RNF123: variants seen among roughly 807,000 people sequenced by gnomAD.
RNF123 encodes the protein E3 ubiquitin-protein ligase RNF123.
RNF123 carries 86 observed loss-of-function variants against 168.5 expected under a neutral mutation model. That is an observed-to-expected ratio of 0.51 (90% CI 0.43 to 0.61). The LOEUF is 0.61. RNF123 is among the 20% of genes least tolerant of loss of function. The pLI is 0.00. For missense variants in RNF123, 1,419 were observed against 1,729.7 expected (o/e 0.82, Z 3.19); for synonymous variants, 666 against 689.1 (o/e 0.97, Z 0.52).
At chr3:49,690,433 C>G (rs2054123352) in intron 1 of RNF123, among the ~76,000 whole-genome samples, 3 of 152,234 alleles carry the variant, frequency 2.0e-5, no homozygotes, top group African/African-American at 7.2e-5. Context: ...GAGGCCAGCA[C>G]CAGGGACTCA....
intron 35 of RNF123, 171 bp from the exon 36 acceptor site, chr3:49,720,340 G>C (rs886692256): frequency 1.9e-6 from 1 of 517,356 alleles, no homozygotes; most frequent in South Asian, 5.5e-5. Context: ...AAAACAGGCT[G>C]TGTGGCACCT....
chr3:49,718,448 C>G, intron 35 of RNF123: 1 of 1,612,968 alleles, frequency 6.2e-7, no homozygotes, highest in South Asian at 1.1e-5. Context: ...TGTACGTTGC[C>G]TATGGCCAAG....
rs1232368010 is a variant in RNF123, at chr3:49,689,606, GGTGA to G, written c.-37+6_-37+9del. ...CCGGGTCGCTGCGGCCGAGGCTCCGGGTGAGTGAGGGGCGGCAGGGCTCTGAGCC... is the reference window on the plus strand; with the variant it reads ...CCGGGTCGCTGCGGCCGAGGCTCCGGGTGAGGGGCGGCAGGGCTCTGAGCC... On this transcript the variant is annotated splice_donor_variant and splice_donor_region_variant and intron_variant, in intron 1 of 38. Coordinates refer to ENST00000327697, the MANE Select transcript of RNF123 (RefSeq NM_022064.5). LOFTEE classifies it low-confidence loss of function (5UTR_SPLICE). The G allele has an allele frequency of 1.3e-5, 2 of 152,510 alleles. No individual in the cohort carries two copies. Among genetic ancestry groups the G allele is most frequent in the African/African-American group, 4.8e-5 (2 of 41,466 alleles). The allele number at this position is 152,510 out of a possible 1,614,324, so 9.4% of individuals were successfully genotyped here.
rs544556680 is a variant in RNF123 at position 49,696,095 on chromosome 3, G to A, written c.168-1048G>A. 1.1e-4 allele frequency among the ~76,000 whole-genome samples: 17 copies of A among 152,308 alleles called. No individual in the cohort carries two copies. The South Asian group carries it at 3.5e-3, about 32-fold the overall frequency. On this transcript the variant is annotated intron_variant, in intron 3 of 38. Transcript: ENST00000327697. ...CCCCTGGCTGGGTGGTGGCGAGACTGGAATCTGCCCCAAAGGAACCACAGG... is the reference window on the plus strand; with the variant it reads ...CCCCTGGCTGGGTGGTGGCGAGACTAGAATCTGCCCCAAAGGAACCACAGG...
At chr3:49,697,664 C>T (rs991985984) in intron 5 of RNF123, among the ~76,000 whole-genome samples, 1 of 152,216 alleles carries the variant, frequency 6.6e-6, no homozygotes, top group Non-Finnish European at 1.5e-5. Context: ...CAGCCCCCAG[C>T]CCTTCCCAGC....
chr3:49,701,880 G>T lies in RNF123; in HGVS notation c.1465G>T (p.Gly489Cys), dbSNP rs768584650. 6.4e-7 allele frequency: 1 copy of T among 1,564,248 alleles called. No homozygotes were observed. The highest frequency in any genetic ancestry group is 1.7e-4 in the Middle Eastern group (1 of 5,982). Residue 489 changes from glycine to cysteine, a missense_variant, in exon 17 of 39, where the codon GGC (glycine) becomes TGC (cysteine). By Grantham distance (159) the Gly-to-Cys change is radical (BLOSUM62 -3). Around this residue, in one of 5 missense-constraint regions of RNF123, gnomAD observed 349 missense variants for 344.9 expected, o/e 1.01. Coordinates refer to ENST00000327697, the MANE Select transcript of RNF123 (RefSeq NM_022064.5). Reference protein sequence around the residue: ...ERLRRRAYERGCQRLRKRIEV... With the variant: ...ERLRRRAYERCCQRLRKRIEV... ...GCTGCGGCGGCGAGCCTACGAACGG[G>T]GCTGTCAGCGGCTCAGGAAGCGCAT... is the stretch of plus-strand genomic sequence containing the variant.
chr3:49,696,544 G>A (rs758343471), intron 3 of RNF123, among the ~76,000 whole-genome samples: 1 of 151,864 alleles, frequency 6.6e-6, no homozygotes, highest in African/African-American at 2.4e-5. Flanking sequence ...TCACCATGTT[G>A]GCCAGGCTGG....
At chr3:49,698,345 C>G in intron 7 of RNF123, 95 bp from the exon 8 acceptor site, 1 of 1,101,546 alleles carries the variant, frequency 9.1e-7, no homozygotes, top group Non-Finnish European at 1.4e-6. Flanking sequence ...CTGTTCCCTT[C>G]TGTAGAGCCA....
At chr3:49,702,473 C>T in intron 19 of RNF123, 68 bp downstream of exon 19, 1 of 1,594,592 alleles carries the variant, frequency 6.3e-7, no homozygotes, top group African/African-American at 1.3e-5. Flanking sequence ...CCCTCAGCAC[C>T]TGGCACTTCT....
rs778818608 is a variant in RNF123, at chr3:49,713,490, C to G, written c.2675-23C>G. On this transcript the variant is annotated intron_variant, in intron 27 of 38. Coordinates refer to ENST00000327697, the MANE Select transcript of RNF123 (RefSeq NM_022064.5). The stretch of plus-strand genomic sequence containing the variant: ...CTGGAGCCCCCACTCCCAGCCGACA[C>G]GTCTCACTTCCCACCCTTGCAGGCT... The G allele has an allele frequency of 2.5e-6, 4 of 1,591,884 alleles. No individual in the cohort carries two copies. The South Asian group carries it at 4.5e-5, about 18-fold the overall frequency.
chr3:49,702,557 C>G, intron 19 of RNF123, 76 bp from the exon 20 acceptor site: 2 of 1,611,464 alleles, frequency 1.2e-6, no homozygotes, highest in Non-Finnish European at 1.7e-6. Flanking sequence ...CCTCGACCCT[C>G]AGGCAGGGCC....
chr3:49,709,589 C>T lies in RNF123; in HGVS notation c.2496+2691C>T, dbSNP rs539434473. On this transcript the variant is annotated intron_variant, in intron 26 of 38. Transcript: ENST00000327697. ...TGCTGGGATTACAGGCGTGAGCCAC[C>T]GCGCCTGGCCTAATTTTGTATTTTT... is the stretch of plus-strand genomic sequence containing the variant. 4.6e-5 allele frequency among the ~76,000 whole-genome samples: 7 copies of T among 152,206 alleles called. No individual in the cohort carries two copies. In the South Asian group the frequency reaches 6.2e-4, roughly 14 times the overall value.
intron 23 of RNF123, 32 bp from the exon 24 acceptor site, chr3:49,705,502 T>A: frequency 6.4e-7 from 1 of 1,556,580 alleles, no homozygotes; most frequent in Non-Finnish European, 8.7e-7. Flanking sequence ...GGGATGGCCC[T>A]ACCCTTGACC....
In RNF123 at chr3:49,703,522, C is replaced by G; in HGVS notation, c.1846C>G (p.Leu616Val). ...CCTCCTCTCGCACCTGCGGAAGACC[C>G]TCAAAGGTGTGTACAGGCCTGTGGG... ...GGLLSHLRKT[L>V]KDDLASKANI... The change falls in exon 21 of 39, where the codon CTC (leucine) becomes GTC (valine). Residue 616 changes from leucine to valine, a missense_variant. By Grantham distance (32) the Leu-to-Val change is conservative. Coordinates refer to ENST00000327697, the MANE Select transcript of RNF123 (RefSeq NM_022064.5). The G allele has an allele frequency of 3.7e-6, 6 of 1,613,512 alleles. No individual in the cohort carries two copies. The highest frequency in any genetic ancestry group is 5.1e-6 in the Non-Finnish European group (6 of 1,179,618).
At chr3:49,719,520 G>T in intron 35 of RNF123, 1 of 1,431,682 alleles carries the variant, frequency 7.0e-7, no homozygotes, top group South Asian at 1.3e-5. Flanking sequence ...GCAGTTCCAG[G>T]ACTCACCCTC....
intron 3 of RNF123, among the ~76,000 whole-genome samples, chr3:49,695,782 CTG>C (rs1455185955): frequency 2.0e-5 from 3 of 152,182 alleles, no homozygotes; most frequent in African/African-American, 7.2e-5. Context: ...GGCCTCTGTT[CTG>C]CCTGAGTCCT....
intron 35 of RNF123, chr3:49,717,713 C>T (rs1164897562): frequency 3.4e-6 from 2 of 594,504 alleles, no homozygotes; most frequent in East Asian, 5.7e-5. Flanking sequence ...ACTAGCACAC[C>T]TTGCAGGGCC....
chr3:49,718,373 G>T (rs747652352), intron 35 of RNF123: 1 of 1,613,266 alleles, frequency 6.2e-7, no homozygotes, highest in Non-Finnish European at 8.5e-7. Flanking sequence ...TTGTACTCGT[G>T]CGTCTGGTTG....
intron 22 of RNF123, 42 bp from the exon 23 acceptor site, chr3:49,704,942 C>A (rs766452422): frequency 1.3e-6 from 2 of 1,553,686 alleles, no homozygotes; most frequent in South Asian, 1.2e-5. Context: ...GCCAAGGGAA[C>A]CCTGAGCCAG....
Sources: allele counts gnomAD v4.1 joint callset (sites outside exome capture counted in the v4.1 genomes callset), GRCh38; gene constraint gnomAD v4.1.1; regional missense constraint gnomAD v4.1.1; transcripts MANE v1.5; gene names NCBI Gene and HGNC (gene_info 2026-07-23, HGNC 2026-07-21).